Variants in CRACR2A observed in about 807,000 individuals in gnomAD.
The protein encoded by CRACR2A is calcium release activated channel regulator 2A.
Under a neutral mutation model 90.5 loss-of-function variants are expected in CRACR2A, and 79 were observed. That is an observed-to-expected ratio of 0.87 (90% CI 0.73 to 1.05). The LOEUF is 1.05. Ranked by LOEUF, CRACR2A falls within the 50% of genes least tolerant of loss-of-function variation. The pLI is 0.00. For synonymous variants in CRACR2A, 338 were observed against 356.7 expected (o/e 0.95, Z 0.59); for missense variants, 823 against 897.2 (o/e 0.92, Z 1.06).
chr12:3,747,904 T>C (rs1226816458), intron 1 of CRACR2A, among the ~76,000 whole-genome samples: 6 of 130,852 alleles, frequency 4.6e-5, no homozygotes, highest in African/African-American at 1.6e-4. Flanking sequence ...GGGCACAGAG[T>C]TCCACAGGCT....
At chr12:3,725,090 C>T (rs1213111172) in intron 2 of CRACR2A, among the ~76,000 whole-genome samples, 1 of 152,172 alleles carries the variant, frequency 6.6e-6, no homozygotes, top group Non-Finnish European at 1.5e-5. Flanking sequence ...CTCCCATTTT[C>T]CCTCCAGCCA....
chr12:3,619,098 T>G (rs1867755292), intron 18 of CRACR2A, among the ~76,000 whole-genome samples, 173 bp downstream of exon 18: 1 of 152,172 alleles, frequency 6.6e-6, no homozygotes, highest in Non-Finnish European at 1.5e-5. Context: ...CTATGCAAAG[T>G]TCTACATGCA....
intron 15 of CRACR2A, among the ~76,000 whole-genome samples, chr12:3,629,800 A>G (rs886885494): frequency 7.7e-5 from 11 of 143,582 alleles, no homozygotes; most frequent in South Asian, 2.5e-4. Flanking sequence ...GAGGAAGCAG[A>G]TAAACAGGCT....
intron 3 of CRACR2A, among the ~76,000 whole-genome samples, chr12:3,703,881 T>C (rs1256698429): frequency 2.0e-5 from 3 of 152,196 alleles, no homozygotes; most frequent in African/African-American, 7.2e-5. Context: ...GAAATACCAC[T>C]ACACACCTAT....
At chr12:3,725,944 C>A (rs1946256324) in intron 2 of CRACR2A, 1 of 151,974 alleles carries the variant, frequency 6.6e-6, no homozygotes, top group Non-Finnish European at 1.5e-5. Context: ...ATGAATCAGG[C>A]TGTCATCCAT....
chr12:3,739,466 A>C (rs1422606826), intron 1 of CRACR2A, among the ~76,000 whole-genome samples: 1 of 152,338 alleles, frequency 6.6e-6, no homozygotes, highest in East Asian at 1.9e-4. Flanking sequence ...TAATGAATAC[A>C]TTTTAAAAAT....
At chr12:3,715,612 A>T (rs76463316) in intron 2 of CRACR2A, among the ~76,000 whole-genome samples, 1,562 of 152,368 alleles carry the variant, frequency 0.01, 23 homozygotes, top group African/African-American at 0.035. Context: ...GAGGTCACTG[A>T]AGGCCAGGAA....
In CRACR2A at chr12:3,633,877, C is replaced by G; in HGVS notation, c.1603-141G>C. 3 of 1,157,878 alleles carry G rather than the reference C, an allele frequency of 2.6e-6. No individual in the cohort carries two copies. The highest frequency in any genetic ancestry group is 3.6e-6 in the Non-Finnish European group (3 of 829,916). The allele number at this position is 1,157,878 out of a possible 1,614,324, so 71.7% of individuals were successfully genotyped here. On this transcript the variant is annotated intron_variant, in intron 14 of 19. Coordinates refer to ENST00000440314, the MANE Select transcript of CRACR2A (RefSeq NM_001144958.2). This position sits in a 1 kb window ranked among gnomAD's most constrained non-coding sequence, Gnocchi z 4.5. ...CTCTAGACCTGCACCAGGAGGCTGCCACAGCCTCAGAATGCAGTGAGCATA... is the reference window on the plus strand; with the variant it reads ...CTCTAGACCTGCACCAGGAGGCTGCGACAGCCTCAGAATGCAGTGAGCATA...
intron 7 of CRACR2A, among the ~76,000 whole-genome samples, chr12:3,662,322 A>G (rs1451492210): frequency 6.6e-6 from 1 of 152,260 alleles, no homozygotes; most frequent in Admixed American, 6.5e-5. Context: ...CATACCAGTC[A>G]TGTCACTAAA....
At chr12:3,653,216 T>C (rs7958368) in intron 10 of CRACR2A, among the ~76,000 whole-genome samples, 132,970 of 151,306 alleles carry the variant, frequency 0.88, 58,578 homozygotes, top group East Asian at 1. Context: ...CTCCTGACCT[T>C]GTAATCTGCC....
At chr12:3,680,438 G>A in intron 4 of CRACR2A, 89 bp from the exon 5 acceptor site, 1 of 1,163,328 alleles carries the variant, frequency 8.6e-7, no homozygotes, top group Non-Finnish European at 1.3e-6. Flanking sequence ...GCCAGAAAGT[G>A]TCTAGAGTTC....
At chr12:3,680,155 G>A in intron 5 of CRACR2A, 83 bp downstream of exon 5, 1 of 1,141,184 alleles carries the variant, frequency 8.8e-7, no homozygotes, top group East Asian at 2.4e-5. Flanking sequence ...CTGCCCCCCA[G>A]GTCTACAAGG....
intron 12 of CRACR2A, 33 bp downstream of exon 12, chr12:3,644,561 GT>G (rs755719786): frequency 6.5e-7 from 1 of 1,549,234 alleles, no homozygotes; most frequent in Non-Finnish European, 8.7e-7. Flanking sequence ...ACAGCCCTTG[GT>G]CCCCCACAGG....
At chr12:3,714,999 T>A (rs1946061788) in intron 2 of CRACR2A, among the ~76,000 whole-genome samples, 1 of 152,236 alleles carries the variant, frequency 6.6e-6, no homozygotes, top group Non-Finnish European at 1.5e-5. Flanking sequence ...TCTTTACAGC[T>A]GAGGGATTCA....
intron 15 of CRACR2A, among the ~76,000 whole-genome samples, chr12:3,631,109 T>C (rs1944368489): frequency 6.6e-6 from 1 of 152,200 alleles, no homozygotes; most frequent in South Asian, 2.1e-4. Flanking sequence ...ATCTGCTTCC[T>C]GACATGTGTC....
intron 1 of CRACR2A, among the ~76,000 whole-genome samples, chr12:3,740,963 T>C (rs898124549): frequency 6.6e-6 from 1 of 152,238 alleles, no homozygotes; most frequent in Non-Finnish European, 1.5e-5. Context: ...GACAGCTGTC[T>C]GACCACACAT....
At chr12:3,741,446 T>C (rs2137897964) in intron 1 of CRACR2A, among the ~76,000 whole-genome samples, 1 of 152,358 alleles carries the variant, frequency 6.6e-6, no homozygotes, top group Middle Eastern at 3.4e-3. Flanking sequence ...GATGAATGAA[T>C]GGAAAATACT....
At position 3,711,456 on chromosome 12, in the gene CRACR2A, A is replaced by C. The variant is rs1390692822; in HGVS notation, c.-37+1781T>G. Reference sequence around the variant, plus strand: ...CCTTCTACAAAACACTGATGTGAGCACAACTTAGCCAAGTTCTTTGCCACT... The same window carrying C: ...CCTTCTACAAAACACTGATGTGAGCCCAACTTAGCCAAGTTCTTTGCCACT... On this transcript the variant is annotated intron_variant, in intron 3 of 19. Coordinates refer to ENST00000440314, the MANE Select transcript of CRACR2A (RefSeq NM_001144958.2). The surrounding 1 kb of genome is among the most constrained non-coding windows in gnomAD (Gnocchi z 4.3). Among the ~76,000 whole-genome samples the C allele has an allele frequency of 1.2e-4, 19 of 152,232 alleles. No homozygotes were observed. Among genetic ancestry groups the C allele is most frequent in the Admixed American group, 1.2e-3 (19 of 15,284 alleles).
At position 3,626,456 on chromosome 12, in the gene CRACR2A, C is replaced by T. The variant is rs1203386731; in HGVS notation, c.1932+980G>A. On this transcript the variant is annotated intron_variant, in intron 17 of 19. Transcript: ENST00000440314. ...AGGCCAGTAAATAAGCAATTTGTTG[C>T]AGCATGATAAATATGTGATGGGATA... Among the ~76,000 whole-genome samples, 3 of 152,200 alleles carry T rather than the reference C, an allele frequency of 2.0e-5. No homozygotes were observed. The East Asian group carries it at 5.8e-4, about 29-fold the overall frequency.
Sources: allele counts gnomAD v4.1 joint callset (sites outside exome capture counted in the v4.1 genomes callset), GRCh38; gene constraint gnomAD v4.1.1; non-coding constraint Gnocchi (gnomAD v3.1); transcripts MANE v1.5; gene names NCBI Gene and HGNC (gene_info 2026-07-23, HGNC 2026-07-21).